Variants in HDAC4 observed in about 807,000 individuals in gnomAD.
The protein encoded by HDAC4 is histone deacetylase A.
HDAC4 carries 16 observed loss-of-function variants against 135.1 expected under a neutral mutation model. The ratio of observed to expected loss-of-function variants is 0.12; its 90% CI spans 0.08 to 0.18. The LOEUF (loss-of-function observed/expected upper bound fraction) is 0.18. Ranked by LOEUF, HDAC4 falls within the 10% of genes least tolerant of loss-of-function variation. The pLI is 1.00. For missense variants in HDAC4, 1,143 were observed against 1,511.8 expected (o/e 0.76, Z 4.05); for synonymous variants, 685 against 653.4 (o/e 1.05, Z -0.74).
chr2:239,163,182 G>A (rs370248284), intron 6 of HDAC4, among the ~76,000 whole-genome samples: 71 of 152,232 alleles, frequency 4.7e-4, no homozygotes, highest in African/African-American at 1.1e-3. Flanking sequence ...CGTGGGCCCT[G>A]GCAGGGTTTC....
chr2:239,056,691 G>C (rs2031903741), intron 24 of HDAC4, among the ~76,000 whole-genome samples: 1 of 152,204 alleles, frequency 6.6e-6, no homozygotes, highest in Non-Finnish European at 1.5e-5. Flanking sequence ...CTCCAACTCT[G>C]TCCCCCTGAG....
intron 8 of HDAC4, among the ~76,000 whole-genome samples, chr2:239,144,060 C>G (rs747436127): frequency 3.3e-5 from 5 of 152,070 alleles, no homozygotes; most frequent in Non-Finnish European, 4.4e-5. Flanking sequence ...TGCGTGTCCA[C>G]CACTAGATGG....
chr2:239,385,223 A>G (rs1695709265), intron 1 of HDAC4, among the ~76,000 whole-genome samples: 1 of 152,200 alleles, frequency 6.6e-6, no homozygotes, highest in African/African-American at 2.4e-5. Context: ...GTCTCCTCCA[A>G]GCCTCAGGAA....
intron 2 of HDAC4, among the ~76,000 whole-genome samples, chr2:239,312,359 C>T (rs576904886): frequency 7.4e-4 from 113 of 152,282 alleles, no homozygotes; most frequent in African/African-American, 2.5e-3. Context: ...GGCCTGCTGC[C>T]CACCCCCAAC....
chr2:239,334,578 C>T (rs895297879), intron 2 of HDAC4, among the ~76,000 whole-genome samples: 9 of 151,600 alleles, frequency 5.9e-5, no homozygotes, highest in African/African-American at 1.5e-4. Context: ...AAAATATGAT[C>T]GAAAGAAATT....
At chr2:239,346,882 AACAC>A (rs1213572284) in intron 2 of HDAC4, among the ~76,000 whole-genome samples, 3 of 130,732 alleles carry the variant, frequency 2.3e-5, no homozygotes, top group African/African-American at 8.7e-5. Context: ...CACACACCCT[AACAC>A]ACACACCCTG....
chr2:239,275,436 G>A (rs751579615), intron 2 of HDAC4, among the ~76,000 whole-genome samples: 6 of 152,228 alleles, frequency 3.9e-5, no homozygotes, highest in African/African-American at 7.2e-5. Flanking sequence ...TTTGTGTACC[G>A]GAGGCGCTGT....
At chr2:239,122,309 G>A (rs901207392) in intron 12 of HDAC4, among the ~76,000 whole-genome samples, 2 of 152,184 alleles carry the variant, frequency 1.3e-5, no homozygotes, top group African/African-American at 2.4e-5. Context: ...AGGGGTGGAG[G>A]ACACCTTCCA....
At chr2:239,323,023 T>G (rs946729382) in intron 2 of HDAC4, among the ~76,000 whole-genome samples, 1 of 152,174 alleles carries the variant, frequency 6.6e-6, no homozygotes, top group Admixed American at 6.5e-5. Flanking sequence ...CATCCCCTTG[T>G]CCCCACAGTT....
At chr2:239,363,347 A>T (rs1331331479) in intron 1 of HDAC4, among the ~76,000 whole-genome samples, 1 of 152,240 alleles carries the variant, frequency 6.6e-6, no homozygotes, top group African/African-American at 2.4e-5. Flanking sequence ...CTGGAAGAGA[A>T]ACAAGCTTGG....
At chr2:239,054,658 G>A in intron 25 of HDAC4, 91 bp downstream of exon 25, 1 of 845,978 alleles carries the variant, frequency 1.2e-6, no homozygotes, top group Non-Finnish European at 2.1e-6. Context: ...GGATGGAGAA[G>A]AGCTGGGGGT....
intron 13 of HDAC4, among the ~76,000 whole-genome samples, chr2:239,113,350 A>G (rs2038849099): frequency 6.6e-6 from 1 of 151,808 alleles, no homozygotes; most frequent in African/African-American, 2.4e-5. Flanking sequence ...AGCAGGAGCC[A>G]GCACCCACAG....
intron 23 of HDAC4, 98 bp from the exon 24 acceptor site, chr2:239,066,953 C>T (rs1387149420): frequency 6.8e-7 from 1 of 1,476,124 alleles, no homozygotes. Flanking sequence ...AGACTGGGGG[C>T]TGGGGTGTCG....
chr2:239,377,763 C>A (rs2126039537), intron 1 of HDAC4, among the ~76,000 whole-genome samples: 1 of 152,288 alleles, frequency 6.6e-6, no homozygotes. Flanking sequence ...CCTAGAGCAC[C>A]TGCCAGGATG....
rs577983975 is a variant in HDAC4 at position 239,075,170 on chromosome 2, GC to G, written c.2750+5924del. Among the ~76,000 whole-genome samples, 593 of 132,810 alleles carry G rather than the reference GC, an allele frequency of 4.5e-3. 2 individuals are homozygous for G. Among genetic ancestry groups the G allele is most frequent in the African/African-American group, 0.016 (562 of 34,542 alleles). 87.1% of individuals were successfully genotyped at this position (132,810 alleles called of 152,430 possible). On this transcript the variant is annotated intron_variant, in intron 22 of 26. Coordinates refer to ENST00000543185, the MANE Select transcript of HDAC4 (RefSeq NM_001378414.1). The stretch of plus-strand genomic sequence containing the variant: ...ACCTGGGAGGAGGAGCTTGCAGTGA[GC>G]CGAGATCGCGCCACTGCACTCCAGC...
intron 2 of HDAC4, among the ~76,000 whole-genome samples, chr2:239,318,524 A>G (rs944158589): frequency 6.6e-6 from 1 of 152,104 alleles, no homozygotes; most frequent in African/African-American, 2.4e-5. Flanking sequence ...AGCGAAACAT[A>G]AACAAGGCCT....
In HDAC4 at chr2:239,134,330, C is replaced by T. The variant is rs2040803599; in HGVS notation, c.1209G>A (p.Glu403=). 6.2e-7 allele frequency: 1 copy of T among 1,613,854 alleles called. No homozygotes were observed. The highest frequency in any genetic ancestry group is 8.5e-7 in the Non-Finnish European group (1 of 1,180,034). The stretch of plus-strand genomic sequence containing the variant: ...GGCTGTGCGCTGCCCCTCCGTCCCG[C>T]TCCAAGGGCGAGGTGCTCAGGTAGG... ...LTPYLSTSPL[E]RDGGAAHSPL... is the part of the protein sequence containing the mutation. The change falls in exon 11 of 27, where the codon GAG becomes GAA. Residue 403 remains glutamate, a synonymous_variant. Transcript: ENST00000543185.
chr2:239,343,714 C>T (rs1292209106), intron 2 of HDAC4, among the ~76,000 whole-genome samples: 1 of 152,208 alleles, frequency 6.6e-6, no homozygotes, highest in East Asian at 1.9e-4. Context: ...CCAGGGAGCT[C>T]ACACAAGCAG....
intron 2 of HDAC4, among the ~76,000 whole-genome samples, chr2:239,258,173 C>T (rs954012320): frequency 6.6e-6 from 1 of 151,992 alleles, no homozygotes; most frequent in African/African-American, 2.4e-5. Flanking sequence ...AGATTAGACA[C>T]AGCTAGAGTG....
Sources: gnomAD v4.1 joint callset for allele counts (sites outside exome capture counted in the v4.1 genomes callset) on GRCh38, gnomAD v4.1.1 for gene constraint, MANE v1.5 for transcripts, NCBI Gene and HGNC (gene_info 2026-07-23, HGNC 2026-07-21) for gene names.